Variants in CACNA2D2 observed in about 807,000 individuals in gnomAD.
CACNA2D2 encodes the protein calcium voltage-gated channel auxiliary subunit alpha2delta 2.
In CACNA2D2, 48 loss-of-function variants were observed where a neutral mutation model predicts 166.4. The observed-to-expected ratio is 0.29, with a 90% CI of 0.23 to 0.37. The LOEUF (loss-of-function observed/expected upper bound fraction) is 0.37. Among genes scored for constraint, CACNA2D2 ranks in the 10% least tolerant of loss-of-function variants. CACNA2D2 has a pLI of 1.00. For missense variants in CACNA2D2, 1,122 were observed against 1,433.0 expected, an observed-to-expected ratio of 0.78 and a Z score of 3.50; for synonymous variants, 561 against 573.7, an observed-to-expected ratio of 0.98 and a Z score of 0.32.
At chr3:50,460,379 A>G (rs1709538037) in intron 2 of CACNA2D2, among the ~76,000 whole-genome samples, 1 of 152,168 alleles carries the variant, frequency 6.6e-6, no homozygotes, top group South Asian at 2.1e-4. Flanking sequence ...TAGGGAATTT[A>G]TGTACTATTT....
At chr3:50,498,971 A>G (rs1044699983) in intron 1 of CACNA2D2, among the ~76,000 whole-genome samples, 2 of 152,204 alleles carry the variant, frequency 1.3e-5, no homozygotes, top group Non-Finnish European at 2.9e-5. Context: ...GAGGATGGAC[A>G]TGACCACGGG....
At chr3:50,455,534 G>A (rs1325058270) in intron 2 of CACNA2D2, among the ~76,000 whole-genome samples, 1 of 152,192 alleles carries the variant, frequency 6.6e-6, no homozygotes, top group African/African-American at 2.4e-5. Context: ...TGCAAGACAA[G>A]GAATAATTAG....
At chr3:50,374,649 C>G (rs1704872589) in intron 22 of CACNA2D2, 88 bp downstream of exon 22, 1 of 1,464,796 alleles carries the variant, frequency 6.8e-7, no homozygotes, top group Non-Finnish European at 9.3e-7. Flanking sequence ...GCCTCGCCGG[C>G]AAGCGGCGCT....
Position 50,503,588 on chromosome 3 carries a change from C to G in CACNA2D2, c.-165G>C, listed in dbSNP as rs946156108. On this transcript the variant is annotated 5_prime_UTR_variant, in exon 1 of 38. Coordinates refer to ENST00000424201, the MANE Select transcript of CACNA2D2 (RefSeq NM_006030.4). The stretch of plus-strand genomic sequence containing the variant: ...GGCTGCACGGGCCGCAGCGCCTCTG[C>G]GGGCTGCGCGCTGCTATCTCCCTGC... The G allele has an allele frequency of 6.0e-6, 1 of 166,022 alleles. No homozygotes were observed. The highest frequency in any genetic ancestry group is 2.4e-5 in the African/African-American group (1 of 41,524). The allele number at this position is 166,022 out of a possible 1,614,324, so 10.3% of individuals were successfully genotyped here. A position where few individuals can be genotyped will look rare whatever the true frequency, so the allele number is the denominator to read the frequency against.
chr3:50,384,422 G>T, intron 5 of CACNA2D2, 85 bp from the exon 6 acceptor site: 1 of 1,500,226 alleles, frequency 6.7e-7, no homozygotes, highest in Non-Finnish European at 9.1e-7. Flanking sequence ...GGCAGGGAGG[G>T]CCAGAGTCCA....
At chr3:50,503,172 G>T (rs1315035883) in intron 1 of CACNA2D2, 46 bp downstream of exon 1, 4 of 1,123,722 alleles carry the variant, frequency 3.6e-6, no homozygotes, top group Admixed American at 9.4e-5. Flanking sequence ...GGCAGAGCGG[G>T]GCGCAAGGCT....
intron 3 of CACNA2D2, among the ~76,000 whole-genome samples, chr3:50,414,754 A>G (rs558609848): frequency 6.6e-5 from 10 of 152,222 alleles, no homozygotes; most frequent in Non-Finnish European, 1.0e-4. Flanking sequence ...GCGAGCTCCT[A>G]TGAAATTGCC....
chr3:50,468,830 T>TC lies in CACNA2D2; in HGVS notation c.288+7287_288+7288insG, dbSNP rs71955703. ...ACTCCATTCCATCCCCTTCTCTCTC[T>TC]TTTTTTTTTTTTTTTTGAGATAGAA... is the stretch of plus-strand genomic sequence containing the variant. On this transcript the variant is annotated intron_variant, in intron 2 of 37. Coordinates refer to ENST00000424201, the MANE Select transcript of CACNA2D2 (RefSeq NM_006030.4). Among the ~76,000 whole-genome samples, 37 of 70,888 alleles carry TC rather than the reference T, an allele frequency of 5.2e-4. No homozygotes were observed. The East Asian group carries it at 0.013, about 25-fold the overall frequency. 46.5% of individuals were successfully genotyped at this position (70,888 alleles called of 152,430 possible).
intron 1 of CACNA2D2, among the ~76,000 whole-genome samples, chr3:50,481,577 G>C (rs902392837): frequency 2.0e-5 from 3 of 152,222 alleles, no homozygotes; most frequent in Non-Finnish European, 4.4e-5. Context: ...AGCAGGCACA[G>C]TGAAGGCCAC....
chr3:50,417,047 C>T (rs1230134330), intron 3 of CACNA2D2, among the ~76,000 whole-genome samples: 1 of 152,184 alleles, frequency 6.6e-6, no homozygotes, highest in African/African-American at 2.4e-5. Context: ...GAAATGTGTG[C>T]CCATGGGTTT....
At chr3:50,451,764 G>C (rs746582508) in intron 2 of CACNA2D2, among the ~76,000 whole-genome samples, 6 of 152,100 alleles carry the variant, frequency 3.9e-5, no homozygotes, top group Non-Finnish European at 7.4e-5. Context: ...CTGGAACCTG[G>C]CCCTGTCCCA....
At chr3:50,370,852 G>A (rs925192436) in intron 22 of CACNA2D2, among the ~76,000 whole-genome samples, 3 of 152,138 alleles carry the variant, frequency 2.0e-5, no homozygotes, top group African/African-American at 7.2e-5. Flanking sequence ...AAGGGAATTG[G>A]CTTTTGGCTG....
rs893934845 is a variant in CACNA2D2 at position 50,362,730 on chromosome 3, A to G, written c.*1936T>C. 3 of 159,082 alleles carry G rather than the reference A, an allele frequency of 1.9e-5. No homozygotes were observed. Among genetic ancestry groups the G allele is most frequent in the Non-Finnish European group, 4.1e-5 (3 of 72,838 alleles). 9.9% of individuals were successfully genotyped at this position (159,082 alleles called of 1,614,324 possible). A position where few individuals can be genotyped will look rare whatever the true frequency, so the allele number is the denominator to read the frequency against. On this transcript the variant is annotated 3_prime_UTR_variant, in exon 38 of 38. Coordinates refer to ENST00000424201, the MANE Select transcript of CACNA2D2 (RefSeq NM_006030.4). ...CTGCAGAGCACTAAGTGGGACTCTG[A>G]GGTCTTGGCCAACTGTCTTCATAGC...
chr3:50,472,927 C>A (rs759409053), intron 2 of CACNA2D2, among the ~76,000 whole-genome samples: 8 of 152,206 alleles, frequency 5.3e-5, no homozygotes, highest in Non-Finnish European at 1.0e-4. Flanking sequence ...CTCCAGACAC[C>A]TTGCTCAGGC....
rs570928393 is a variant in CACNA2D2 at position 50,440,863 on chromosome 3, C to T, written c.289-6434G>A. On this transcript the variant is annotated intron_variant, in intron 2 of 37. Coordinates refer to ENST00000424201, the MANE Select transcript of CACNA2D2 (RefSeq NM_006030.4). Reference sequence around the variant, plus strand: ...CACTTGGGAGTGGGGCTGGCCTGCTCCAGGGTGGTAGGGGGCAAGAAAAAG... The same window carrying T: ...CACTTGGGAGTGGGGCTGGCCTGCTTCAGGGTGGTAGGGGGCAAGAAAAAG... 2.6e-5 allele frequency among the ~76,000 whole-genome samples: 4 copies of T among 152,216 alleles called. No homozygotes were observed. In the South Asian group the frequency reaches 8.3e-4, roughly 32 times the overall value.
At chr3:50,496,734 G>A (rs1698740580) in intron 1 of CACNA2D2, among the ~76,000 whole-genome samples, 1 of 152,234 alleles carries the variant, frequency 6.6e-6, no homozygotes, top group Non-Finnish European at 1.5e-5. Flanking sequence ...TTTTACAGAT[G>A]AGGCTCCAAG....
In CACNA2D2 at chr3:50,416,657, TA is replaced by T. The variant is rs1359980773; in HGVS notation, c.405+17655del. The stretch of plus-strand genomic sequence containing the variant: ...ACATGCAGTGGGGCCACGTTAGACC[TA>T]GCTGGGAAGCCAGAAGACCTGGGTC... On this transcript the variant is annotated intron_variant, in intron 3 of 37. Coordinates refer to ENST00000424201, the MANE Select transcript of CACNA2D2 (RefSeq NM_006030.4). 4.6e-5 allele frequency among the ~76,000 whole-genome samples: 7 copies of T among 152,294 alleles called. No homozygotes were observed. In the East Asian group the frequency reaches 1.4e-3, roughly 29 times the overall value.
At chr3:50,409,702 T>C (rs1269121408) in intron 3 of CACNA2D2, among the ~76,000 whole-genome samples, 3 of 152,174 alleles carry the variant, frequency 2.0e-5, no homozygotes, top group African/African-American at 2.4e-5. Flanking sequence ...GGGTGGAAGG[T>C]TGAACCTGGG....
chr3:50,433,849 T>A (rs1575679258), intron 3 of CACNA2D2, among the ~76,000 whole-genome samples: 1 of 152,140 alleles, frequency 6.6e-6, no homozygotes, highest in Non-Finnish European at 1.5e-5. Flanking sequence ...GCAGCCCCCA[T>A]CCTTACGTGG....
Sources: gnomAD v4.1 joint callset for allele counts (sites outside exome capture counted in the v4.1 genomes callset) on GRCh38, gnomAD v4.1.1 for gene constraint, MANE v1.5 for transcripts, NCBI Gene and HGNC (gene_info 2026-07-23, HGNC 2026-07-21) for gene names.